The following NLGN1 variants were observed in gnomAD, a reference collection of about 807,000 sequenced individuals.
The protein encoded by NLGN1 is neuroligin 1.
In NLGN1, 12 loss-of-function variants were observed where a neutral mutation model predicts 65.5. The ratio of observed to expected loss-of-function variants is 0.18; its 90% confidence interval spans 0.12 to 0.30. The LOEUF is 0.30. NLGN1 is among the 10% of genes least tolerant of loss of function. NLGN1 has a pLI of 1.00. For missense variants in NLGN1, 750 were observed against 1,007.1 expected, an observed-to-expected ratio of 0.74 and a Z score of 3.46; for synonymous variants, 350 against 359.5, an observed-to-expected ratio of 0.97 and a Z score of 0.30.
intron 2 of NLGN1, among the ~76,000 whole-genome samples, chr3:173,542,556 C>T (rs1488778505): frequency 6.6e-6 from 1 of 151,878 alleles, no homozygotes; most frequent in African/African-American, 2.4e-5. Flanking sequence ...AGAAGCTAAC[C>T]CTTATATTGG....
At chr3:173,555,654 A>G (rs1741590742) in intron 2 of NLGN1, among the ~76,000 whole-genome samples, 1 of 151,884 alleles carries the variant, frequency 6.6e-6, no homozygotes, top group Admixed American at 6.6e-5. Flanking sequence ...ATAAATATAC[A>G]TATTTTTTTG....
intron 2 of NLGN1, among the ~76,000 whole-genome samples, chr3:173,539,794 A>G (rs1457026376): frequency 5.1e-5 from 5 of 98,656 alleles, no homozygotes; most frequent in Admixed American, 2.2e-4. Flanking sequence ...ATGTACATAT[A>G]TACATATATA....
At chr3:173,807,656 G>T in intron 3 of NLGN1, 24 bp from the exon 4 acceptor site, 2 of 1,609,354 alleles carry the variant, frequency 1.2e-6, no homozygotes, top group Non-Finnish European at 1.7e-6. Flanking sequence ...GGATAAGAAC[G>T]ATTGCCAACC....
At chr3:173,471,213 G>A (rs545088) in intron 2 of NLGN1, among the ~76,000 whole-genome samples, 120,457 of 151,934 alleles carry the variant, frequency 0.79, 48,742 homozygotes, top group East Asian at 0.97. Context: ...CAGGTAGATT[G>A]GTTTTTTAGG....
intron 4 of NLGN1, among the ~76,000 whole-genome samples, chr3:174,063,558 A>C (rs1737852842): frequency 6.6e-6 from 1 of 152,142 alleles, no homozygotes; most frequent in African/African-American, 2.4e-5. Flanking sequence ...AAAATATGAC[A>C]ACATTTGCAC....
intron 4 of NLGN1, among the ~76,000 whole-genome samples, chr3:174,144,850 G>T (rs1722918211): frequency 6.6e-6 from 1 of 152,112 alleles, no homozygotes; most frequent in Non-Finnish European, 1.5e-5. Context: ...ACATTATGTA[G>T]GTGGCTGTTC....
At chr3:173,458,636 C>A (rs1207319133) in intron 2 of NLGN1, among the ~76,000 whole-genome samples, 1 of 152,088 alleles carries the variant, frequency 6.6e-6, no homozygotes, top group African/African-American at 2.4e-5. Context: ...GTTTCCAGTT[C>A]CTCATCACCC....
chr3:174,258,093 C>T (rs1473067310), intron 4 of NLGN1, among the ~76,000 whole-genome samples: 1 of 151,974 alleles, frequency 6.6e-6, no homozygotes, highest in Non-Finnish European at 1.5e-5. Flanking sequence ...AGTCCCCTAA[C>T]TACTAGTTAG....
chr3:174,275,223 C>G, intron 4 of NLGN1, 92 bp from the exon 5 acceptor site: 1 of 917,134 alleles, frequency 1.1e-6, no homozygotes, highest in East Asian at 2.4e-5. Flanking sequence ...CTGTCCCTAC[C>G]TTGATTAATA....
At chr3:173,769,940 C>G (rs2150256329) in intron 3 of NLGN1, among the ~76,000 whole-genome samples, 1 of 152,298 alleles carries the variant, frequency 6.6e-6, no homozygotes. Flanking sequence ...TCAGGTGTCC[C>G]TGCTTTATGA....
chr3:174,214,218 T>C (rs978163703), intron 4 of NLGN1, among the ~76,000 whole-genome samples: 14 of 152,176 alleles, frequency 9.2e-5, no homozygotes, highest in Admixed American at 7.2e-4. Context: ...AATTAAGCAA[T>C]GCCCATTATG....
intron 4 of NLGN1, among the ~76,000 whole-genome samples, chr3:173,888,721 G>A (rs1465980399): frequency 2.0e-5 from 3 of 151,968 alleles, no homozygotes; most frequent in Admixed American, 6.6e-5. Flanking sequence ...AAAGTTTATC[G>A]TGACGTATTT....
intron 3 of NLGN1, among the ~76,000 whole-genome samples, chr3:173,620,150 G>A (rs1303869898): frequency 6.6e-6 from 1 of 152,162 alleles, no homozygotes; most frequent in East Asian, 1.9e-4. Flanking sequence ...CAGTATAAAT[G>A]ATGGAATCCA....
intron 4 of NLGN1, among the ~76,000 whole-genome samples, chr3:173,835,863 G>T (rs142118852): frequency 1.1e-4 from 17 of 152,082 alleles, no homozygotes; most frequent in African/African-American, 3.9e-4. Context: ...AATAGATAAG[G>T]GAATTTGAAA....
At chr3:173,528,734 CTT>C (rs1736063350) in intron 2 of NLGN1, among the ~76,000 whole-genome samples, 1 of 152,148 alleles carries the variant, frequency 6.6e-6, no homozygotes, top group Admixed American at 6.5e-5. Flanking sequence ...CTAGTCTACT[CTT>C]AAAGCTTTCA....
chr3:173,835,347 G>T (rs1394085458), intron 4 of NLGN1, among the ~76,000 whole-genome samples: 1 of 151,962 alleles, frequency 6.6e-6, no homozygotes, highest in Non-Finnish European at 1.5e-5. Context: ...TTTAATAAAA[G>T]ATCTTTTTAT....
chr3:173,662,299 T>C (rs2149695540), intron 3 of NLGN1, among the ~76,000 whole-genome samples: 1 of 151,988 alleles, frequency 6.6e-6, no homozygotes, highest in East Asian at 1.9e-4. Flanking sequence ...GAGACTAAAA[T>C]AATTTGCTTC....
rs988298983 is a variant in NLGN1 at position 174,178,965 on chromosome 3, A to G, written c.647-96350A>G. ...AATCATTCTGTGGTAAAAAGAATAC[A>G]TGATTCAAATTCATTTTAACTACCA... On this transcript the variant is annotated intron_variant, in intron 4 of 6. Transcript: ENST00000457714. Among the ~76,000 whole-genome samples, 8 of 152,264 alleles carry G rather than the reference A, an allele frequency of 5.3e-5. No homozygotes were observed. In the East Asian group the frequency reaches 1.2e-3, roughly 22 times the overall value.
intron 3 of NLGN1, among the ~76,000 whole-genome samples, chr3:173,635,546 C>T (rs1359392333): frequency 6.6e-6 from 1 of 152,022 alleles, no homozygotes; most frequent in East Asian, 1.9e-4. Context: ...ACTGTATTTC[C>T]AGAAGAAACA....
Sources: gnomAD v4.1 joint callset for allele counts (sites outside exome capture counted in the v4.1 genomes callset) on GRCh38, gnomAD v4.1.1 for gene constraint, MANE v1.5 for transcripts, NCBI Gene and HGNC (gene_info 2026-07-23, HGNC 2026-07-21) for gene names.